RAMACL: variants seen among roughly 807,000 people sequenced by gnomAD.
The protein encoded by RAMACL is RNA guanine-N7 methyltransferase-activating subunit-like protein.
Under a neutral mutation model 13.4 loss-of-function variants are expected in RAMACL, and 9 were observed. That is an observed-to-expected ratio of 0.67 (90% CI 0.41 to 1.17). The LOEUF (loss-of-function observed/expected upper bound fraction) is 1.17, where lower values mean the gene tolerates loss of function less well. Ranked by LOEUF, RAMACL falls within the 50% of genes most tolerant of loss-of-function variation. RAMACL has a pLI of 0.01. For missense variants in RAMACL, 124 were observed against 141.6 expected, an observed-to-expected ratio of 0.88 and a Z score of 0.63; for synonymous variants, 39 against 49.3, an observed-to-expected ratio of 0.79 and a Z score of 0.88.
At chr6:166,584,694 T>C (rs923525708), downstream of RAMACL, among the ~76,000 whole-genome samples, 9 of 152,232 alleles carry the variant, frequency 5.9e-5, no homozygotes, top group Non-Finnish European at 8.8e-5. Flanking sequence ...TTTATAGTAA[T>C]TTTAACTGAA....
chr6:166,585,613 T>C (rs1583302408), exon 1 of RAMACL, among the ~76,000 whole-genome samples: 1 of 81,770 alleles, frequency 1.2e-5, no homozygotes, highest in Admixed American at 1.4e-4. Context: ...CAAAGTACCA[T>C]AGTCACTTAA....
chr6:166,584,579 G>T (rs1785112745), downstream of RAMACL, among the ~76,000 whole-genome samples: 1 of 152,166 alleles, frequency 6.6e-6, no homozygotes, highest in South Asian at 2.1e-4. Flanking sequence ...AATGAAAAAT[G>T]CCTGGGCATT....
rs376976325 is a variant in RAMACL, at chr6:166,586,132, C to T, written c.346G>A (p.Gly116Ser). The T allele has an allele frequency of 1.5e-3, 2,210 of 1,501,260 alleles. 8 individuals are homozygous for T. The highest frequency in any genetic ancestry group is 1.9e-3 in the Non-Finnish European group (2,101 of 1,123,268). 93.0% of individuals were successfully genotyped at this position (1,501,260 alleles called of 1,614,324 possible). Reference sequence around the variant, plus strand: ...TGCCAACATTTCTATCAGTAGTAACCGTAAGGAGGCCGCTGGTTGTAACCA... The same window carrying T: ...TGCCAACATTTCTATCAGTAGTAACTGTAAGGAGGCCGCTGGTTGTAACCA... Residue 116 changes from glycine to serine, a missense_variant, in exon 1 of 1, where the codon GGT becomes AGT. Physicochemically the swap from Gly to Ser is moderately conservative, Grantham distance 56 (BLOSUM62 0). Coordinates refer to ENST00000444122, the Ensembl canonical transcript of RAMACL.
chr6:166,584,975 C>G (rs1000682593), downstream of RAMACL, among the ~76,000 whole-genome samples: 1 of 152,238 alleles, frequency 6.6e-6, no homozygotes, highest in Admixed American at 6.5e-5. Context: ...CAAGATGTCT[C>G]AAAACACACA....
downstream of RAMACL, among the ~76,000 whole-genome samples, chr6:166,583,420 C>A (rs556132692): frequency 4.6e-5 from 7 of 152,178 alleles, no homozygotes; most frequent in Non-Finnish European, 8.8e-5. Context: ...TGTTGAGCAA[C>A]TTCAAAGCAC....
exon 1 of RAMACL, chr6:166,586,166 A>G: frequency 1.3e-6 from 2 of 1,566,390 alleles, no homozygotes; most frequent in Non-Finnish European, 1.7e-6. Context: ...CATAATGTCC[A>G]TATTGCTGGG....
downstream of RAMACL, among the ~76,000 whole-genome samples, chr6:166,584,043 A>G (rs1282905653): frequency 6.6e-6 from 1 of 152,238 alleles, no homozygotes; most frequent in African/African-American, 2.4e-5. Flanking sequence ...TAAATTTAAA[A>G]TGCCTTGGTG....
chr6:166,583,319 C>T (rs559856368), downstream of RAMACL, among the ~76,000 whole-genome samples: 2 of 152,298 alleles, frequency 1.3e-5, no homozygotes, highest in Admixed American at 6.5e-5. Flanking sequence ...CCAGAGATCA[C>T]GGCCTTCTTG....
rs1785175918 is a variant in RAMACL at position 166,586,391 on chromosome 6, GT to G, written c.86del (p.Tyr29SerfsTer2). 1.3e-6 allele frequency: 2 copies of G among 1,599,744 alleles called. No individual in the cohort carries two copies. Among genetic ancestry groups the G allele is most frequent in the Non-Finnish European group, 1.7e-6 (2 of 1,179,794 alleles). The stretch of plus-strand genomic sequence containing the variant: ...GAGGAGACTCAGGAGGGCGTTTCAG[GT>G]ATTCCTGATACTCCTTGTCATTTTC... On this transcript the variant is annotated frameshift_variant, in exon 1 of 1. Coordinates refer to ENST00000444122, the Ensembl canonical transcript of RAMACL. LOFTEE classifies it high-confidence loss of function.
chr6:166,584,413 G>C (rs1031987643), downstream of RAMACL, among the ~76,000 whole-genome samples: 1 of 152,192 alleles, frequency 6.6e-6, no homozygotes, highest in African/African-American at 2.4e-5. Context: ...AACATGGAGG[G>C]ATACAATTGA....
downstream of RAMACL, among the ~76,000 whole-genome samples, chr6:166,583,575 A>T (rs1044431188): frequency 6.6e-6 from 1 of 152,228 alleles, no homozygotes; most frequent in Non-Finnish European, 1.5e-5. Context: ...TCCAGAGGTG[A>T]CAAAGGAGAG....
chr6:166,585,180 A>G (rs917228099), downstream of RAMACL, among the ~76,000 whole-genome samples: 1 of 152,240 alleles, frequency 6.6e-6, no homozygotes, highest in Non-Finnish European at 1.5e-5. Context: ...ATACATGAAA[A>G]AAGATGCAGC....
downstream of RAMACL, among the ~76,000 whole-genome samples, chr6:166,583,113 T>C (rs1471527473): frequency 2.0e-5 from 3 of 152,220 alleles, no homozygotes; most frequent in Non-Finnish European, 4.4e-5. Context: ...CAAAGCAGTT[T>C]GGTAAGTTTT....
chr6:166,586,289 C>T, exon 1 of RAMACL: 1 of 1,598,472 alleles, frequency 6.3e-7, no homozygotes, highest in Non-Finnish European at 8.5e-7. Context: ...TGCCTCTGAA[C>T]TGTCTGTTGT....
downstream of RAMACL, among the ~76,000 whole-genome samples, chr6:166,585,498 C>CTTTTTTTTTTTTTTTTTTTTTT (rs58153048): frequency 2.3e-5 from 2 of 86,306 alleles, no homozygotes; most frequent in East Asian, 3.3e-4. Flanking sequence ...TCAAACAAGT[C>CTTTTTTTTTTTTTTTTTTTTTT]TTTTTTTTTT....
chr6:166,586,456 C>G (rs1476554341), exon 1 of RAMACL: 6 of 1,598,776 alleles, frequency 3.8e-6, no homozygotes, highest in Non-Finnish European at 4.2e-6. Flanking sequence ...AAATTTGGAA[C>G]AGCTTCGGCA....
exon 1 of RAMACL, chr6:166,586,250 G>T (rs1345836396): frequency 1.4e-5 from 23 of 1,595,886 alleles, no homozygotes; most frequent in East Asian, 6.7e-5. Flanking sequence ...TGGATCGATT[G>T]TCACTTGGCC....
chr6:166,586,224 C>A, exon 1 of RAMACL: 1 of 1,592,258 alleles, frequency 6.3e-7, no homozygotes, highest in Non-Finnish European at 8.5e-7. Context: ...ACCCCAGGAT[C>A]GTCCATGCCA....
At chr6:166,584,546 A>T (rs1403453356), downstream of RAMACL, among the ~76,000 whole-genome samples, 2 of 152,238 alleles carry the variant, frequency 1.3e-5, no homozygotes, top group Non-Finnish European at 2.9e-5. Flanking sequence ...TAGGCCAGTT[A>T]TGTCATGACA....
Sources: gnomAD v4.1 joint callset for allele counts (sites outside exome capture counted in the v4.1 genomes callset) on GRCh38, gnomAD v4.1.1 for gene constraint, MANE v1.5 for transcripts, NCBI Gene and HGNC (gene_info 2026-07-23, HGNC 2026-07-21) for gene names.